Variants in PHLPP1 observed in about 807,000 individuals in gnomAD.
The protein encoded by PHLPP1 is PH domain and leucine rich repeat protein phosphatase 1.
A neutral mutation model predicts 117.2 loss-of-function variants in PHLPP1; 42 were observed. The observed-to-expected ratio is 0.36, with a 90% confidence interval of 0.28 to 0.46. PHLPP1 has a LOEUF of 0.46. PHLPP1 is among the 20% of genes least tolerant of loss of function. The pLI is 1.00. For missense variants in PHLPP1, 2,084 were observed against 2,241.9 expected, an observed-to-expected ratio of 0.93 and a Z score of 1.42; for synonymous variants, 1,042 against 970.7, an observed-to-expected ratio of 1.07 and a Z score of -1.37.
At chr18:62,822,754 AC>A (rs761847964) in intron 1 of PHLPP1, among the ~76,000 whole-genome samples, 41 of 152,344 alleles carry the variant, frequency 2.7e-4, no homozygotes, top group African/African-American at 9.4e-4. Flanking sequence ...CAGGATTTAT[AC>A]CAACTGGTTT....
At chr18:62,858,634 T>C (rs190617956) in intron 3 of PHLPP1, among the ~76,000 whole-genome samples, 109 of 152,268 alleles carry the variant, frequency 7.2e-4, no homozygotes, top group African/African-American at 2.6e-3. Flanking sequence ...TTTTAGTGGA[T>C]ATAAAATGTG....
chr18:62,823,271 A>G (rs1255375101), intron 1 of PHLPP1, among the ~76,000 whole-genome samples: 1 of 152,222 alleles, frequency 6.6e-6, no homozygotes, highest in Non-Finnish European at 1.5e-5. Context: ...TGCAAGTCAT[A>G]TATTTGACAG....
At chr18:62,834,228 C>T (rs888478406) in intron 2 of PHLPP1, among the ~76,000 whole-genome samples, 1 of 151,934 alleles carries the variant, frequency 6.6e-6, no homozygotes, top group Non-Finnish European at 1.5e-5. Flanking sequence ...CATTCATGGG[C>T]CTTGTATGTT....
rs534690920 is a variant in PHLPP1 at position 62,828,717 on chromosome 18, C to T, written c.1577-1318C>T. ...TCCCTAATAGGTTTTAGACATGTAT[C>T]AAAACCACTTGGTATTTATGTTGGT... On this transcript the variant is annotated intron_variant, in intron 1 of 16. Coordinates refer to ENST00000262719, the MANE Select transcript of PHLPP1 (RefSeq NM_194449.4). Among the ~76,000 whole-genome samples the T allele has an allele frequency of 9.1e-4, 138 of 152,160 alleles. 1 individual carries two copies. The highest frequency in any genetic ancestry group is 2.9e-3 in the Admixed American group (45 of 15,276).
At chr18:62,718,448 C>T (rs915346446) in intron 1 of PHLPP1, among the ~76,000 whole-genome samples, 17 of 152,186 alleles carry the variant, frequency 1.1e-4, no homozygotes, top group African/African-American at 3.9e-4. Context: ...CATCTTTACT[C>T]CCACATTGAA....
intron 1 of PHLPP1, among the ~76,000 whole-genome samples, chr18:62,823,476 G>A (rs1323990099): frequency 6.6e-6 from 1 of 151,704 alleles, no homozygotes; most frequent in Non-Finnish European, 1.5e-5. Context: ...GAGGAGGGAG[G>A]ATCATTTGAC....
intron 1 of PHLPP1, among the ~76,000 whole-genome samples, chr18:62,795,580 C>T (rs1191330525): frequency 6.6e-6 from 1 of 151,602 alleles, no homozygotes; most frequent in Non-Finnish European, 1.5e-5. Context: ...ATAAGCTGGA[C>T]TTGGTCACTG....
In PHLPP1 at chr18:62,903,066, G is replaced by A; in HGVS notation, c.2547G>A (p.Met849Ile). 6.2e-7 allele frequency: 1 copy of A among 1,613,216 alleles called. No individual in the cohort carries two copies. ...ATAAGCTTGGTGATCTAGATGCTAT[G>A]ATTTTCAACAACATTGAAGTTTTAC... ...RDNKLGDLDAMIFNNIEVLHC... is the reference protein window; with the variant it reads ...RDNKLGDLDAIIFNNIEVLHC... Residue 849 changes from methionine (M) to isoleucine (I), a missense_variant, in exon 7 of 17, where the codon ATG (methionine) becomes ATA (isoleucine). By Grantham distance (10) the Met-to-Ile change is conservative (BLOSUM62 1). This residue lies in a region of PHLPP1 where 1,365 missense variants were observed against 1,605.9 expected (regional missense o/e 0.85). Coordinates refer to ENST00000262719, the MANE Select transcript of PHLPP1 (RefSeq NM_194449.4).
At chr18:62,974,644 G>T (rs534832030) in intron 15 of PHLPP1, among the ~76,000 whole-genome samples, 10 of 152,270 alleles carry the variant, frequency 6.6e-5, no homozygotes, top group East Asian at 5.8e-4. Context: ...TTGATAATCT[G>T]CCAGAACAAG....
At chr18:62,784,135 A>G (rs1445879135) in intron 1 of PHLPP1, among the ~76,000 whole-genome samples, 1 of 152,202 alleles carries the variant, frequency 6.6e-6, no homozygotes, top group Non-Finnish European at 1.5e-5. Flanking sequence ...TAGACTTCAC[A>G]TGGGGCAGAC....
chr18:62,847,452 G>A (rs1293818649), intron 3 of PHLPP1, among the ~76,000 whole-genome samples: 1 of 152,158 alleles, frequency 6.6e-6, no homozygotes, highest in African/African-American at 2.4e-5. Flanking sequence ...GTTGGGATCT[G>A]TACTTCTGTT....
rs1363521315 is a variant in PHLPP1 at position 62,895,923 on chromosome 18, G to A, written c.2356G>A (p.Asp786Asn). ...PEVLEKLTAV[D>N]KLCMSGNCVE... ...AGTATTGGAGAAATTGACTGCTGTGGATAAACTTTGTATGTCTGGAAACTG... is the reference window on the plus strand; with the variant it reads ...AGTATTGGAGAAATTGACTGCTGTGAATAAACTTTGTATGTCTGGAAACTG... The change falls in exon 6 of 17, where the codon GAT becomes AAT. Residue 786 changes from aspartate to asparagine, a missense_variant. By Grantham distance (23) the Asp-to-Asn change is conservative. Transcript: ENST00000262719. 15 of 1,613,724 alleles carry A rather than the reference G, an allele frequency of 9.3e-6. No individual in the cohort carries two copies. Among genetic ancestry groups the A allele is most frequent in the Non-Finnish European group, 1.1e-5 (13 of 1,179,770 alleles).
intron 11 of PHLPP1, among the ~76,000 whole-genome samples, chr18:62,944,249 A>G (rs1910213185): frequency 6.6e-6 from 1 of 152,202 alleles, no homozygotes; most frequent in African/African-American, 2.4e-5. Context: ...AGTGCCAGAT[A>G]CTATTACAGT....
At chr18:62,809,938 G>T (rs1599059003) in intron 1 of PHLPP1, among the ~76,000 whole-genome samples, 1 of 152,166 alleles carries the variant, frequency 6.6e-6, no homozygotes, top group Admixed American at 6.6e-5. Flanking sequence ...GTTCTATTTG[G>T]TGTTGTGAGT....
rs566159756 is a variant in PHLPP1, at chr18:62,716,867, G to T, written c.1184G>T (p.Arg395Leu). 280 of 1,522,346 alleles carry T rather than the reference G, an allele frequency of 1.8e-4. 3 individuals are homozygous for T. In the Middle Eastern group the frequency reaches 0.012, roughly 64 times the overall value. The allele number at this position is 1,522,346 out of a possible 1,614,324, so 94.3% of individuals were successfully genotyped here. Reference protein sequence around the residue: ...SAPTGVPGQPRRPGHPAQPLP... With the variant: ...SAPTGVPGQPLRPGHPAQPLP... ...CCGACGGGGGTCCCGGGCCAGCCCC[G>T]CCGTCCCGGCCACCCCGCGCAGCCC... The change falls in exon 1 of 17, where the codon CGC (arginine) becomes CTC (leucine). Residue 395 changes from arginine to leucine, a missense_variant. Physicochemically the swap from Arg to Leu is moderately radical, Grantham distance 102 (BLOSUM62 -2). Coordinates refer to ENST00000262719, the MANE Select transcript of PHLPP1 (RefSeq NM_194449.4). This position sits in a 1 kb window ranked among gnomAD's most constrained non-coding sequence, Gnocchi z 5.7.
chr18:62,847,134 C>T (rs1020176370), intron 3 of PHLPP1, among the ~76,000 whole-genome samples: 7 of 152,148 alleles, frequency 4.6e-5, no homozygotes, highest in Admixed American at 2.6e-4. Context: ...AAGCAGTGCT[C>T]ATTTGTATAA....
intron 1 of PHLPP1, among the ~76,000 whole-genome samples, chr18:62,752,506 G>A (rs1036035527): frequency 6.6e-6 from 1 of 152,212 alleles, no homozygotes; most frequent in African/African-American, 2.4e-5. Flanking sequence ...AAATAGATAT[G>A]CAGATAAAGA....
intron 10 of PHLPP1, among the ~76,000 whole-genome samples, chr18:62,925,386 A>G (rs1909597027): frequency 6.6e-6 from 1 of 152,204 alleles, no homozygotes; most frequent in South Asian, 2.1e-4. Context: ...TGGGTGGACT[A>G]GTACAAGGTA....
At chr18:62,727,530 T>A (rs1911110912) in intron 1 of PHLPP1, among the ~76,000 whole-genome samples, 1 of 151,320 alleles carries the variant, frequency 6.6e-6, no homozygotes, top group African/African-American at 2.4e-5. Flanking sequence ...TGGGAAGATA[T>A]TCTTGAGTCC....
Sources: allele counts gnomAD v4.1 joint callset (sites outside exome capture counted in the v4.1 genomes callset), GRCh38; gene constraint gnomAD v4.1.1; regional missense constraint gnomAD v4.1.1; non-coding constraint Gnocchi (gnomAD v3.1); transcripts MANE v1.5; gene names NCBI Gene and HGNC (gene_info 2026-07-23, HGNC 2026-07-21).